The following PEX13 variants were observed in gnomAD, a reference collection of about 807,000 sequenced individuals.
PEX13 encodes the protein peroxisomal biogenesis factor 13.
In PEX13, 28 loss-of-function variants were observed where a neutral mutation model predicts 34.5. That is an observed-to-expected ratio of 0.81 (90% CI 0.60 to 1.11). The LOEUF (loss-of-function observed/expected upper bound fraction) is 1.11. PEX13 is among the 50% of genes most tolerant of loss of function. The pLI is 0.00. For missense variants in PEX13, 550 were observed against 491.0 expected (o/e 1.12, Z -1.13); for synonymous variants, 177 against 175.1 (o/e 1.01, Z -0.09).
rs201797442 is a variant in PEX13, at chr2:61,048,554, A to T, written c.996A>T (p.Lys332Asn). 1 of 1,614,176 alleles carries T rather than the reference A, an allele frequency of 6.2e-7. No individual in the cohort carries two copies. The highest frequency in any genetic ancestry group is 2.2e-5 in the East Asian group (1 of 44,886). The change falls in exon 4 of 4, where the codon AAA becomes AAT. Residue 332 changes from lysine (K) to asparagine (N), a missense_variant. By Grantham distance (94) the Lys-to-Asn change is moderately conservative. Coordinates refer to ENST00000295030, the MANE Select transcript of PEX13 (RefSeq NM_002618.4). ...TTGLIPANYV[K>N]ILGKRKGRKT... ...GACTTATACCTGCGAATTATGTCAA[A>T]ATTCTTGGCAAAAGAAAAGGTAGGA...
chr2:61,022,344 T>C (rs973615801), intron 1 of PEX13, among the ~76,000 whole-genome samples: 5 of 152,206 alleles, frequency 3.3e-5, no homozygotes, highest in Non-Finnish European at 7.3e-5. Context: ...AATGACCTGA[T>C]GGAGCTGAAA....
At position 61,050,111 on chromosome 2, in the gene PEX13, C is replaced by T. The variant is rs1014102420; in HGVS notation, c.*1341C>T. ...TTGCCATTTAGAATATGATAATCCT[C>T]ATGCCTTTAATCTCAGCACTTTGGG... is the stretch of plus-strand genomic sequence containing the variant. On this transcript the variant is annotated 3_prime_UTR_variant, in exon 4 of 4. Coordinates refer to ENST00000295030, the MANE Select transcript of PEX13 (RefSeq NM_002618.4). 3 of 152,290 alleles carry T rather than the reference C, an allele frequency of 2.0e-5. No individual in the cohort carries two copies. Among genetic ancestry groups the T allele is most frequent in the Non-Finnish European group, 2.9e-5 (2 of 68,034 alleles). The allele number at this position is 152,290 out of a possible 1,614,324, so 9.4% of individuals were successfully genotyped here.
At chr2:61,018,820 T>G (rs1680177220) in intron 1 of PEX13, 1 of 152,270 alleles carries the variant, frequency 6.6e-6, no homozygotes, top group Non-Finnish European at 1.5e-5. Context: ...TCTGCTACCT[T>G]TTTTTTGAGT....
chr2:61,026,042 G>C (rs928455806), intron 1 of PEX13, among the ~76,000 whole-genome samples: 1 of 151,774 alleles, frequency 6.6e-6, no homozygotes, highest in Non-Finnish European at 1.5e-5. Context: ...TCTGGAATTG[G>C]CCCTGGTTTC....
At chr2:61,017,904 G>A (rs552958199) in intron 1 of PEX13, 53 bp downstream of exon 1, 10 of 1,510,742 alleles carry the variant, frequency 6.6e-6, no homozygotes, top group Non-Finnish European at 8.1e-6. Flanking sequence ...GCGGGGACTT[G>A]GCAGGAGGCG....
At chr2:61,044,213 C>T (rs1680669707) in intron 2 of PEX13, among the ~76,000 whole-genome samples, 1 of 152,064 alleles carries the variant, frequency 6.6e-6, no homozygotes. Context: ...TCCCAAAGTG[C>T]TGAGTGAGAT....
At chr2:61,040,774 TAC>T (rs1680611027) in intron 2 of PEX13, among the ~76,000 whole-genome samples, 1 of 147,992 alleles carries the variant, frequency 6.8e-6, no homozygotes, top group Admixed American at 6.8e-5. Flanking sequence ...TATATATATA[TAC>T]CTATATATTA....
chr2:61,017,970 C>G (rs1680126006), intron 1 of PEX13, 119 bp downstream of exon 1: 1 of 1,333,388 alleles, frequency 7.5e-7, no homozygotes. Flanking sequence ...AATACCCAAC[C>G]TTGGGGATAG....
chr2:61,024,509 G>A (rs1680316826), intron 1 of PEX13, among the ~76,000 whole-genome samples: 1 of 151,884 alleles, frequency 6.6e-6, no homozygotes, highest in African/African-American at 2.4e-5. Flanking sequence ...GTCTAATCTG[G>A]TATTAAACCA....
chr2:61,023,837 C>T (rs992281831), intron 1 of PEX13, among the ~76,000 whole-genome samples: 34 of 151,034 alleles, frequency 2.3e-4, no homozygotes, highest in Non-Finnish European at 4.4e-4. Flanking sequence ...CACTCTGTCA[C>T]CAGGCTGGAG....
intron 2 of PEX13, among the ~76,000 whole-genome samples, chr2:61,035,515 A>C (rs1680520497): frequency 6.6e-6 from 1 of 152,232 alleles, no homozygotes; most frequent in Non-Finnish European, 1.5e-5. Context: ...TGGTAATAAC[A>C]AACGTCTCGG....
chr2:61,023,225 G>A (rs938055389), intron 1 of PEX13, among the ~76,000 whole-genome samples: 3 of 151,890 alleles, frequency 2.0e-5, no homozygotes, highest in African/African-American at 4.8e-5. Context: ...GGCTGGTCTC[G>A]AACTCCTGGG....
intron 1 of PEX13, 38 bp from the exon 2 acceptor site, chr2:61,031,381 A>G (rs1273731221): frequency 1.4e-6 from 2 of 1,447,722 alleles, no homozygotes; most frequent in East Asian, 4.5e-5. Flanking sequence ...AATTTATTGT[A>G]TGCTTAAATA....
At position 61,050,439 on chromosome 2, in the gene PEX13, G is replaced by T. The variant is rs1680778209; in HGVS notation, c.*1669G>T. ...TTTGACGTGTTTTTTGGTTTATAAT[G>T]ATTTTAAATGCAGTTAACTTTCAGT... On this transcript the variant is annotated 3_prime_UTR_variant, in exon 4 of 4. Coordinates refer to ENST00000295030, the MANE Select transcript of PEX13 (RefSeq NM_002618.4). 1 of 152,222 alleles carries T rather than the reference G, an allele frequency of 6.6e-6. No individual in the cohort carries two copies. Among genetic ancestry groups the T allele is most frequent in the South Asian group, 2.1e-4 (1 of 4,836 alleles). 9.4% of individuals were successfully genotyped at this position (152,222 alleles called of 1,614,324 possible). A position where few individuals can be genotyped will look rare whatever the true frequency, so the allele number is the denominator to read the frequency against.
intron 1 of PEX13, among the ~76,000 whole-genome samples, chr2:61,026,034 T>C (rs1680348601): frequency 6.6e-6 from 1 of 152,118 alleles, no homozygotes; most frequent in African/African-American, 2.4e-5. Flanking sequence ...CCATCTCTTC[T>C]GGAATTGGCC....
Position 61,031,791 on chromosome 2 carries a change from T to G in PEX13, c.465T>G (p.Tyr155Ter), listed in dbSNP as rs369851185. Residue 155 changes from tyrosine to a stop codon, truncating the protein, a stop_gained, in exon 2 of 4, where the codon TAT becomes TAG. Transcript: ENST00000295030. LOFTEE classifies it high-confidence loss of function. ...MMMDATFSAV[Y>*]NSFRAVLDVA... ...TGGATGCTACCTTTTCAGCTGTCTA[T>G]AACAGTTTCAGGGCTGTATTGGATG... 1.2e-6 allele frequency: 2 copies of G among 1,613,410 alleles called. No individual in the cohort carries two copies. Among genetic ancestry groups the G allele is most frequent in the Non-Finnish European group, 1.7e-6 (2 of 1,179,408 alleles).
intron 2 of PEX13, among the ~76,000 whole-genome samples, chr2:61,033,878 A>G (rs1289975243): frequency 1.3e-5 from 2 of 152,174 alleles, no homozygotes; most frequent in East Asian, 3.8e-4. Context: ...TAGATGGTAT[A>G]AGTTGTAGAC....
In PEX13 at chr2:61,048,751, G is replaced by T; in HGVS notation, c.1193G>T (p.Gly398Val). 1 of 1,613,638 alleles carries T rather than the reference G, an allele frequency of 6.2e-7. No homozygotes were observed. Among genetic ancestry groups the T allele is most frequent in the South Asian group, 1.1e-5 (1 of 91,054 alleles). ...PVAPDSIGKDGEKQDL is the reference protein window; with the variant it reads ...PVAPDSIGKDVEKQDL ...GCACCTGATTCCATTGGGAAAGATG[G>T]AGAAAAGCAAGATCTTTGATATCTT... The change falls in exon 4 of 4, where the codon GGA becomes GTA. Residue 398 changes from glycine (G) to valine (V), a missense_variant. Physicochemically the swap from Gly to Val is moderately radical, Grantham distance 109 (BLOSUM62 -3). Coordinates refer to ENST00000295030, the MANE Select transcript of PEX13 (RefSeq NM_002618.4).
In PEX13 at chr2:61,050,829, CCCAGGATGGT is replaced by C. The variant is rs1332982666; in HGVS notation, c.*2061_*2070del. The C allele has an allele frequency of 6.6e-6, 1 of 152,226 alleles. No homozygotes were observed. The allele number at this position is 152,226 out of a possible 1,614,324, so 9.4% of individuals were successfully genotyped here. ...GTAGAGACGGGGTTTCACCGTGTTA[CCCAGGATGGT>C]CTCCATCTCCTGACCTCGTGATGAG... On this transcript the variant is annotated 3_prime_UTR_variant, in exon 4 of 4. Coordinates refer to ENST00000295030, the MANE Select transcript of PEX13 (RefSeq NM_002618.4).
Sources: allele counts gnomAD v4.1 joint callset (sites outside exome capture counted in the v4.1 genomes callset), GRCh38; gene constraint gnomAD v4.1.1; transcripts MANE v1.5; gene names NCBI Gene and HGNC (gene_info 2026-07-23, HGNC 2026-07-21).